Variants in GALNT17 observed in about 807,000 individuals in gnomAD.
The protein encoded by GALNT17 is UDP-GalNAc:polypeptide N-acetylgalactosaminyltransferase-like 3.
Under a neutral mutation model 63.7 loss-of-function variants are expected in GALNT17, and 29 were observed. The observed-to-expected ratio is 0.46, with a 90% CI of 0.34 to 0.62. The LOEUF is 0.62. GALNT17 is among the 20% of genes least tolerant of loss of function. The probability of loss-of-function intolerance (pLI) is 0.01; values close to 1 mark genes in which losing one functional copy is unlikely to be tolerated. For synonymous variants in GALNT17, 305 were observed against 318.3 expected (o/e 0.96, Z 0.45); for missense variants, 603 against 799.6 (o/e 0.75, Z 2.97).
intron 5 of GALNT17, among the ~76,000 whole-genome samples, chr7:71,486,308 G>C (rs1787907233): frequency 6.7e-6 from 1 of 150,152 alleles, no homozygotes; most frequent in South Asian, 2.1e-4. Flanking sequence ...CTCCCAGCCT[G>C]AGTGACAGGG....
chr7:71,505,474 C>T (rs557401988), intron 5 of GALNT17, among the ~76,000 whole-genome samples: 1 of 152,274 alleles, frequency 6.6e-6, no homozygotes, highest in Non-Finnish European at 1.5e-5. Context: ...GTGGCACATA[C>T]TTGTTGTCCC....
At chr7:71,214,494 C>A (rs562155219) in intron 1 of GALNT17, among the ~76,000 whole-genome samples, 1 of 152,132 alleles carries the variant, frequency 6.6e-6, no homozygotes, top group Non-Finnish European at 1.5e-5. Flanking sequence ...GTCATGAGCC[C>A]CTTTCATCTC....
intron 10 of GALNT17, among the ~76,000 whole-genome samples, chr7:71,711,261 T>A (rs555962354): frequency 2.6e-5 from 4 of 151,864 alleles, no homozygotes; most frequent in Non-Finnish European, 4.4e-5. Context: ...CCCAGGAAAC[T>A]CAACATCCTG....
chr7:71,321,921 TCC>T (rs1791620394), intron 1 of GALNT17, among the ~76,000 whole-genome samples: 4 of 32,242 alleles, frequency 1.2e-4, no homozygotes, highest in South Asian at 1.3e-3. Flanking sequence ...CTTCCTTCCT[TCC>T]CCTCCCTCCC....
chr7:71,362,305 A>G (rs1033469194), intron 2 of GALNT17, among the ~76,000 whole-genome samples: 3 of 152,098 alleles, frequency 2.0e-5, no homozygotes, highest in African/African-American at 7.2e-5. Flanking sequence ...TTGTGTACAA[A>G]CTTACATTCT....
intron 1 of GALNT17, among the ~76,000 whole-genome samples, chr7:71,188,230 C>T (rs770521388): frequency 5.3e-5 from 8 of 152,160 alleles, no homozygotes; most frequent in Non-Finnish European, 1.0e-4. Flanking sequence ...TTCTTTTCCT[C>T]TGGGTAGATG....
chr7:71,533,699 C>T (rs1048256166), intron 5 of GALNT17, among the ~76,000 whole-genome samples: 6 of 152,228 alleles, frequency 3.9e-5, no homozygotes, highest in African/African-American at 1.4e-4. Context: ...TGCTGAATAC[C>T]TAGAGGTTTG....
intron 5 of GALNT17, among the ~76,000 whole-genome samples, chr7:71,551,028 C>A (rs1789068557): frequency 6.6e-6 from 1 of 152,028 alleles, no homozygotes; most frequent in South Asian, 2.1e-4. Context: ...ACATTCTTAT[C>A]TATTATATCT....
chr7:71,384,562 GC>G (rs1792906193), intron 2 of GALNT17, among the ~76,000 whole-genome samples: 2 of 152,194 alleles, frequency 1.3e-5, no homozygotes, highest in Admixed American at 1.3e-4. Context: ...AGGCCTGAGT[GC>G]CCAGAGAACA....
intron 6 of GALNT17, among the ~76,000 whole-genome samples, chr7:71,664,858 C>A (rs961962008): frequency 6.6e-6 from 1 of 152,112 alleles, no homozygotes; most frequent in Non-Finnish European, 1.5e-5. Context: ...GATTTTATAT[C>A]CTGAGCTGTT....
chr7:71,452,588 A>G lies in GALNT17; in HGVS notation c.962+31483A>G, dbSNP rs183012624. ...AAAAAGGATTTTAGGGAGGCCTAAT[A>G]TATGATCAGTTTTTATAATGGCTGT... is the stretch of plus-strand genomic sequence containing the variant. On this transcript the variant is annotated intron_variant, in intron 5 of 10. Transcript: ENST00000333538. Among the ~76,000 whole-genome samples, 44 of 152,358 alleles carry G rather than the reference A, an allele frequency of 2.9e-4. 5 individuals carry two copies. The East Asian group carries it at 2.9e-3, about 10-fold the overall frequency.
intron 10 of GALNT17, among the ~76,000 whole-genome samples, chr7:71,711,412 A>G (rs1488079398): frequency 1.3e-5 from 2 of 151,896 alleles, no homozygotes; most frequent in Admixed American, 6.6e-5. Flanking sequence ...AGTCTCATGC[A>G]AAGAATTTTG....
At chr7:71,423,281 T>C (rs1786700386) in intron 5 of GALNT17, among the ~76,000 whole-genome samples, 1 of 152,210 alleles carries the variant, frequency 6.6e-6, no homozygotes, top group Admixed American at 6.5e-5. Flanking sequence ...CCCTGTTGCA[T>C]ATCAAAAGGA....
At chr7:71,571,544 T>C (rs1789443059) in intron 6 of GALNT17, 142 bp downstream of exon 6, 4 of 690,702 alleles carry the variant, frequency 5.8e-6, no homozygotes, top group Middle Eastern at 2.7e-4. Flanking sequence ...GGGGGATGCA[T>C]GAGCTGCACT....
intron 6 of GALNT17, among the ~76,000 whole-genome samples, chr7:71,598,862 CG>C (rs1554314049): frequency 1.5e-5 from 2 of 129,364 alleles, no homozygotes; most frequent in South Asian, 2.6e-4. Context: ...TGAGAAAGAA[CG>C]GGGGGGATTG....
chr7:71,588,356 T>G (rs1417774021), intron 6 of GALNT17, among the ~76,000 whole-genome samples: 1 of 152,198 alleles, frequency 6.6e-6, no homozygotes, highest in Non-Finnish European at 1.5e-5. Context: ...TGGATGAGGT[T>G]TAATATTTCT....
chr7:71,207,757 T>C (rs1789300697), intron 1 of GALNT17, among the ~76,000 whole-genome samples: 1 of 152,110 alleles, frequency 6.6e-6, no homozygotes, highest in African/African-American at 2.4e-5. Context: ...TTTATGAGTG[T>C]AGACTTGATC....
intron 6 of GALNT17, among the ~76,000 whole-genome samples, chr7:71,592,026 C>T (rs77034475): frequency 0.017 from 2,579 of 152,294 alleles, 26 homozygotes; most frequent in Middle Eastern, 0.065. Flanking sequence ...TGGAGCTGTC[C>T]GTCTGTCAGT....
chr7:71,221,282 A>G lies in GALNT17; in HGVS notation c.238+88242A>G, dbSNP rs113652265. On this transcript the variant is annotated intron_variant, in intron 1 of 10. Coordinates refer to ENST00000333538, the MANE Select transcript of GALNT17 (RefSeq NM_022479.3). ...AGGATCTCCTTTTTCATGGCTGCAT[A>G]GTATTTCATGGTGTATGTGTACCAC... is the stretch of plus-strand genomic sequence containing the variant. 9.6e-3 allele frequency among the ~76,000 whole-genome samples: 1,446 copies of G among 151,232 alleles called. 24 individuals carry two copies. The highest frequency in any genetic ancestry group is 0.034 in the African/African-American group (1,383 of 41,198).
Sources: gnomAD v4.1 joint callset for allele counts (sites outside exome capture counted in the v4.1 genomes callset) on GRCh38, gnomAD v4.1.1 for gene constraint, MANE v1.5 for transcripts, NCBI Gene and HGNC (gene_info 2026-07-23, HGNC 2026-07-21) for gene names.